The following ASIC2 variants were observed in gnomAD, a reference collection of about 807,000 sequenced individuals.
ASIC2 encodes the protein acid-sensing ion channel 2.
A neutral mutation model predicts 57.3 loss-of-function variants in ASIC2; 25 were observed. That is an observed-to-expected ratio of 0.44 (90% CI 0.32 to 0.61). The LOEUF (loss-of-function observed/expected upper bound fraction) is 0.61, where lower values mean the gene tolerates loss of function less well. Among genes scored for constraint, ASIC2 ranks in the 20% least tolerant of loss-of-function variants. The pLI is 0.06. For missense variants in ASIC2, 641 were observed against 738.1 expected, an observed-to-expected ratio of 0.87 and a Z score of 1.52; for synonymous variants, 319 against 307.5, an observed-to-expected ratio of 1.04 and a Z score of -0.39.
chr17:33,064,697 A>G (rs2092035875), intron 3 of ASIC2, among the ~76,000 whole-genome samples: 1 of 152,200 alleles, frequency 6.6e-6, no homozygotes, highest in Non-Finnish European at 1.5e-5. Flanking sequence ...CCGTGCTGGG[A>G]GAACCACTAC....
At chr17:33,885,148 A>G (rs1210472221) in intron 1 of ASIC2, among the ~76,000 whole-genome samples, 1 of 152,202 alleles carries the variant, frequency 6.6e-6, no homozygotes, top group East Asian at 1.9e-4. Context: ...CATGGCTGGT[A>G]GCACAGGCTG....
At chr17:34,004,837 C>T (rs771138497) in intron 1 of ASIC2, 6 of 147,306 alleles carry the variant, frequency 4.1e-5, no homozygotes, top group South Asian at 2.3e-4. Flanking sequence ...AGAAAGACCC[C>T]TTACTTTATA....
intron 1 of ASIC2, among the ~76,000 whole-genome samples, chr17:33,558,884 A>C (rs1363936843): frequency 6.6e-6 from 1 of 152,098 alleles, no homozygotes; most frequent in Non-Finnish European, 1.5e-5. Flanking sequence ...CTCCTGCCTC[A>C]GCCTTCCAAG....
intron 1 of ASIC2, among the ~76,000 whole-genome samples, chr17:33,474,499 C>T (rs1262630952): frequency 6.6e-6 from 1 of 152,236 alleles, no homozygotes; most frequent in Non-Finnish European, 1.5e-5. Context: ...CTGTCACCAC[C>T]TCTAAGTCCA....
At chr17:33,690,133 C>G (rs926380969) in intron 1 of ASIC2, among the ~76,000 whole-genome samples, 1 of 152,158 alleles carries the variant, frequency 6.6e-6, no homozygotes, top group African/African-American at 2.4e-5. Context: ...TGTTCTGCAC[C>G]TTGCTTTTTT....
chr17:33,439,002 C>T (rs1911730330), intron 1 of ASIC2, among the ~76,000 whole-genome samples: 1 of 152,098 alleles, frequency 6.6e-6, no homozygotes, highest in Admixed American at 6.6e-5. Context: ...TGCCACAATG[C>T]CCAGCTAATT....
intron 3 of ASIC2, among the ~76,000 whole-genome samples, chr17:33,087,659 T>C (rs907233295): frequency 7.0e-6 from 1 of 142,564 alleles, no homozygotes; most frequent in Non-Finnish European, 1.5e-5. Context: ...CTCAGTCAGC[T>C]CAAGTGATCC....
chr17:33,380,841 C>T (rs1024570622), intron 1 of ASIC2, among the ~76,000 whole-genome samples: 6 of 152,212 alleles, frequency 3.9e-5, no homozygotes, highest in Non-Finnish European at 7.3e-5. Context: ...GTTCCTTTGG[C>T]CTCTGAAAGG....
chr17:33,057,953 C>T (rs1271442401), intron 3 of ASIC2, among the ~76,000 whole-genome samples: 1 of 152,124 alleles, frequency 6.6e-6, no homozygotes, highest in Non-Finnish European at 1.5e-5. Context: ...GTTGGGTGTG[C>T]CTCCCTTTAC....
intron 1 of ASIC2, among the ~76,000 whole-genome samples, chr17:33,810,918 A>T (rs1221610134): frequency 6.6e-6 from 1 of 151,536 alleles, no homozygotes; most frequent in East Asian, 1.9e-4. Context: ...CACACACTCC[A>T]GTATAACAAC....
chr17:34,062,985 C>G (rs990599635), intron 1 of ASIC2, among the ~76,000 whole-genome samples: 29 of 152,032 alleles, frequency 1.9e-4, no homozygotes, highest in Admixed American at 5.9e-4. Flanking sequence ...TTCCACCAGA[C>G]AGAGAAAGAA....
At chr17:33,899,162 C>T (rs1374936898) in intron 1 of ASIC2, among the ~76,000 whole-genome samples, 1 of 151,782 alleles carries the variant, frequency 6.6e-6, no homozygotes, top group Non-Finnish European at 1.5e-5. Context: ...AGGAACTCCC[C>T]AAGAGAAGTT....
At chr17:33,380,106 A>G (rs930271500) in intron 1 of ASIC2, among the ~76,000 whole-genome samples, 1 of 151,830 alleles carries the variant, frequency 6.6e-6, no homozygotes, top group African/African-American at 2.4e-5. Context: ...ATTAGCCGGG[A>G]GTGCTGGCAC....
chr17:33,085,326 C>T (rs2141962145), intron 3 of ASIC2, among the ~76,000 whole-genome samples: 1 of 152,270 alleles, frequency 6.6e-6, no homozygotes, highest in African/African-American at 2.4e-5. Flanking sequence ...ATAACAAACA[C>T]TGCTTATTGT....
intron 1 of ASIC2, among the ~76,000 whole-genome samples, chr17:33,723,112 C>A (rs1182076753): frequency 6.6e-6 from 1 of 152,058 alleles, no homozygotes; most frequent in African/African-American, 2.4e-5. Flanking sequence ...AAGCTGAATA[C>A]TGAATACAAG....
intron 1 of ASIC2, among the ~76,000 whole-genome samples, chr17:33,833,424 A>G (rs916958569): frequency 6.6e-6 from 1 of 152,170 alleles, no homozygotes; most frequent in Non-Finnish European, 1.5e-5. Context: ...CAAATAGGCT[A>G]TCTGCATTCC....
At chr17:33,461,943 A>T (rs1912650837) in intron 1 of ASIC2, among the ~76,000 whole-genome samples, 1 of 152,248 alleles carries the variant, frequency 6.6e-6, no homozygotes, top group South Asian at 2.1e-4. Flanking sequence ...ACAAAACTTT[A>T]TTGAGTACCT....
chr17:33,867,808 C>T (rs1268161036), intron 1 of ASIC2, among the ~76,000 whole-genome samples: 2 of 152,170 alleles, frequency 1.3e-5, no homozygotes, highest in Non-Finnish European at 2.9e-5. Context: ...ATATCTTTAC[C>T]TTATCAAGGC....
chr17:33,862,816 G>A (rs1455604887), intron 1 of ASIC2, among the ~76,000 whole-genome samples: 1 of 152,188 alleles, frequency 6.6e-6, no homozygotes, highest in Non-Finnish European at 1.5e-5. Context: ...TGGACAGTCA[G>A]GGAATGCAAT....
Sources: allele counts gnomAD v4.1 joint callset (sites outside exome capture counted in the v4.1 genomes callset), GRCh38; gene constraint gnomAD v4.1.1; transcripts MANE v1.5; gene names NCBI Gene and HGNC (gene_info 2026-07-23, HGNC 2026-07-21).